SYNRG: variants seen among roughly 807,000 people sequenced by gnomAD.
The protein encoded by SYNRG is AP1 gamma subunit binding protein 1.
A neutral mutation model predicts 130.9 loss-of-function variants in SYNRG; 37 were observed. That is an observed-to-expected ratio of 0.28 (90% CI 0.22 to 0.37). The LOEUF (loss-of-function observed/expected upper bound fraction) is 0.37, where lower values mean the gene tolerates loss of function less well. SYNRG is among the 10% of genes least tolerant of loss of function. The pLI is 1.00. For synonymous variants in SYNRG, 539 were observed against 568.1 expected (o/e 0.95, Z 0.73); for missense variants, 1,338 against 1,588.9 (o/e 0.84, Z 2.68).
intron 16 of SYNRG, among the ~76,000 whole-genome samples, chr17:37,539,516 A>G (rs940257552): frequency 2.0e-5 from 3 of 152,098 alleles, no homozygotes; most frequent in Admixed American, 6.6e-5. Context: ...GACTACAGGC[A>G]CGCACCACCA....
chr17:37,566,258 AC>A, intron 11 of SYNRG, among the ~76,000 whole-genome samples: 1 of 151,238 alleles, frequency 6.6e-6, no homozygotes, highest in South Asian at 2.1e-4. Context: ...AAAGAAGTAG[AC>A]ATGGGAGACT....
At chr17:37,603,462 G>A (rs2063474784) in intron 1 of SYNRG, among the ~76,000 whole-genome samples, 1 of 152,102 alleles carries the variant, frequency 6.6e-6, no homozygotes, top group Non-Finnish European at 1.5e-5. Context: ...CTATCTATGG[G>A]CGTTATAGCC....
chr17:37,582,808 C>T (rs1164225660), intron 6 of SYNRG, among the ~76,000 whole-genome samples: 1 of 152,086 alleles, frequency 6.6e-6, no homozygotes, highest in Non-Finnish European at 1.5e-5. Context: ...CTGCAGTGAA[C>T]TGTGATCATG....
chr17:37,520,130 A>G, intron 21 of SYNRG, 49 bp downstream of exon 21: 1 of 1,606,574 alleles, frequency 6.2e-7, no homozygotes. Flanking sequence ...TGCCCTCCAC[A>G]CTCAAAATTA....
intron 10 of SYNRG, among the ~76,000 whole-genome samples, 189 bp from the exon 11 acceptor site, chr17:37,569,113 T>C (rs2060216338): frequency 6.6e-6 from 1 of 152,242 alleles, no homozygotes; most frequent in African/African-American, 2.4e-5. Flanking sequence ...AAGACTGGTT[T>C]AAATAGCTAA....
intron 21 of SYNRG, 151 bp downstream of exon 21, chr17:37,520,028 G>A (rs2054795237): frequency 1.3e-6 from 1 of 793,590 alleles, no homozygotes; most frequent in Non-Finnish European, 2.1e-6. Context: ...CACATTAGGA[G>A]ACTCCATCAA....
chr17:37,549,617 G>A (rs1870751192), intron 14 of SYNRG, among the ~76,000 whole-genome samples: 1 of 152,062 alleles, frequency 6.6e-6, no homozygotes, highest in Non-Finnish European at 1.5e-5. Context: ...TTGAGACTAG[G>A]TCTTGCTCTG....
chr17:37,560,577 G>A (rs997987726), intron 13 of SYNRG, among the ~76,000 whole-genome samples: 1 of 149,514 alleles, frequency 6.7e-6, no homozygotes, highest in Non-Finnish European at 1.5e-5. Context: ...GACCTCAGGT[G>A]ATCCGCCCAC....
At chr17:37,550,627 C>T (rs2058637296) in intron 14 of SYNRG, among the ~76,000 whole-genome samples, 4 of 149,790 alleles carry the variant, frequency 2.7e-5, no homozygotes, top group Admixed American at 2.0e-4. Flanking sequence ...GAGGAATATA[C>T]TAAAGTAAAT....
chr17:37,603,568 A>G (rs79791820), intron 1 of SYNRG, among the ~76,000 whole-genome samples: 2 of 152,354 alleles, frequency 1.3e-5, no homozygotes, highest in East Asian at 3.9e-4. Context: ...TTTAGCAGAC[A>G]TGAGAACATT....
chr17:37,541,599 C>T (rs539111734), intron 15 of SYNRG: 1 of 225,126 alleles, frequency 4.4e-6, no homozygotes, highest in African/African-American at 2.3e-5. Flanking sequence ...CCCCGGCCCC[C>T]ACTTTGCAAC....
chr17:37,558,936 T>C (rs559088053), intron 13 of SYNRG, among the ~76,000 whole-genome samples: 1 of 152,324 alleles, frequency 6.6e-6, no homozygotes, highest in South Asian at 2.1e-4. Flanking sequence ...ACGAGTTCGG[T>C]TGAGTCCTGC....
rs570470373 is a variant in SYNRG at position 37,575,826 on chromosome 17, G to C, written c.901+515C>G. 3.1e-5 allele frequency among the ~76,000 whole-genome samples: 4 copies of C among 129,010 alleles called. No individual in the cohort carries two copies. In the South Asian group the frequency reaches 1.0e-3, roughly 32 times the overall value. The allele number at this position is 129,010 out of a possible 152,430, so 84.6% of individuals were successfully genotyped here. A position where few individuals can be genotyped will look rare whatever the true frequency, so the allele number is the denominator to read the frequency against. On this transcript the variant is annotated intron_variant, in intron 8 of 21. Coordinates refer to ENST00000612223, the MANE Select transcript of SYNRG (RefSeq NM_007247.6). ...CCACTGAACTCCAGCCTGGGTGACA[G>C]TAAGACCTTGTCTCAAAAAAAAAAA...
chr17:37,534,414 G>A (rs1166420426), intron 19 of SYNRG, among the ~76,000 whole-genome samples: 2 of 151,794 alleles, frequency 1.3e-5, no homozygotes, highest in Non-Finnish European at 2.9e-5. Flanking sequence ...TGGTAGAGAC[G>A]GAGTTTTGAC....
intron 19 of SYNRG, among the ~76,000 whole-genome samples, chr17:37,533,157 T>C (rs1046976969): frequency 2.6e-5 from 4 of 152,204 alleles, no homozygotes; most frequent in African/African-American, 9.7e-5. Flanking sequence ...CCCAACACTT[T>C]TGGGAGGCCA....
Position 37,561,557 on chromosome 17 carries a change from G to GC in SYNRG, c.1513_1514insG (p.Thr505SerfsTer2). The GC allele has an allele frequency of 6.2e-7, 1 of 1,613,166 alleles. No homozygotes were observed. The highest frequency in any genetic ancestry group is 8.5e-7 in the Non-Finnish European group (1 of 1,179,336). On this transcript the variant is annotated frameshift_variant, in exon 12 of 22. Coordinates refer to ENST00000612223, the MANE Select transcript of SYNRG (RefSeq NM_007247.6). LOFTEE classifies it high-confidence loss of function. ...TTTGTCCATTGAAGGCAATGCTTTA[G>GC]TTCCAGGAAGTGGCATCAACAAAGA...
At chr17:37,522,875 G>A (rs562222051) in intron 19 of SYNRG, among the ~76,000 whole-genome samples, 2 of 151,772 alleles carry the variant, frequency 1.3e-5, no homozygotes, top group East Asian at 3.9e-4. Context: ...TCCTGACCTC[G>A]TGATCTGTCC....
intron 19 of SYNRG, among the ~76,000 whole-genome samples, chr17:37,523,113 C>T (rs2055351798): frequency 6.6e-6 from 1 of 152,126 alleles, no homozygotes; most frequent in South Asian, 2.1e-4. Context: ...TAAGTATTAC[C>T]ACTATTTTTA....
intron 1 of SYNRG, among the ~76,000 whole-genome samples, chr17:37,609,047 G>C (rs940753024): frequency 8.0e-6 from 1 of 125,250 alleles, no homozygotes; most frequent in Non-Finnish European, 1.6e-5. Context: ...GCGCGCGCTC[G>C]CTCCCCGCTC....
Sources: allele counts gnomAD v4.1 joint callset (sites outside exome capture counted in the v4.1 genomes callset), GRCh38; gene constraint gnomAD v4.1.1; transcripts MANE v1.5; gene names NCBI Gene and HGNC (gene_info 2026-07-23, HGNC 2026-07-21).